Variants in YTHDF3 observed in about 807,000 individuals in gnomAD.
The protein encoded by YTHDF3 is YTH domain-containing family protein 3.
In YTHDF3, 9 loss-of-function variants were observed where a neutral mutation model predicts 52.5. That is an observed-to-expected ratio of 0.17 (90% CI 0.10 to 0.30). YTHDF3 has a LOEUF of 0.30. YTHDF3 is among the 10% of genes least tolerant of loss of function. The probability of loss-of-function intolerance (pLI) is 1.00; values close to 1 mark genes in which losing one functional copy is unlikely to be tolerated. For missense variants in YTHDF3, 534 were observed against 715.0 expected, an observed-to-expected ratio of 0.75 and a Z score of 2.89; for synonymous variants, 274 against 243.3, an observed-to-expected ratio of 1.13 and a Z score of -1.18.
At chr8:63,193,826 A>G (rs990206540) in intron 4 of YTHDF3, among the ~76,000 whole-genome samples, 1 of 152,206 alleles carries the variant, frequency 6.6e-6, no homozygotes, top group Non-Finnish European at 1.5e-5. Context: ...GACAGTATCA[A>G]GTATTGGAAA....
chr8:63,192,607 T>G (rs1463011248), intron 4 of YTHDF3, among the ~76,000 whole-genome samples: 1 of 152,326 alleles, frequency 6.6e-6, no homozygotes, highest in African/African-American at 2.4e-5. Context: ...CTTTTAGCCT[T>G]GTGTAGGCAG....
At chr8:63,185,481 T>C (rs953368874) in intron 3 of YTHDF3, among the ~76,000 whole-genome samples, 13 of 152,196 alleles carry the variant, frequency 8.5e-5, no homozygotes, top group Admixed American at 3.3e-4. Flanking sequence ...AGAAAAGTCA[T>C]GTCTGTTATT....
At chr8:63,172,271 C>G (rs1807374885) in intron 2 of YTHDF3, among the ~76,000 whole-genome samples, 1 of 152,098 alleles carries the variant, frequency 6.6e-6, no homozygotes. Flanking sequence ...TTTGGGAGTA[C>G]TATGGTTGGA....
Position 63,172,746 on chromosome 8 carries a change from C to G in YTHDF3, c.50-2585C>G. The G allele has an allele frequency of 4.1e-6, 5 of 1,231,244 alleles. No individual in the cohort carries two copies. In the East Asian group the frequency reaches 1.3e-4, roughly 31 times the overall value. 76.3% of individuals were successfully genotyped at this position (1,231,244 alleles called of 1,614,324 possible). A position where few individuals can be genotyped will look rare whatever the true frequency, so the allele number is the denominator to read the frequency against. On this transcript the variant is annotated intron_variant, in intron 2 of 4. Transcript: ENST00000539294. ...TCACCTGGCTCCTAAGGCCCATGTT[C>G]TATCTTGATTTGACTCTGTTTCATA...
At chr8:63,173,356 T>TA (rs1000642355) in intron 2 of YTHDF3, among the ~76,000 whole-genome samples, 27 of 151,776 alleles carry the variant, frequency 1.8e-4, no homozygotes, top group African/African-American at 6.1e-4. Context: ...TGATCCTCCT[T>TA]AGACTCCTGA....
Position 63,187,574 on chromosome 8 carries a change from A to G in YTHDF3, c.1563A>G (p.Leu521=), listed in dbSNP as rs777710828. 4.0e-5 allele frequency: 65 copies of G among 1,613,856 alleles called. No homozygotes were observed. The East Asian group carries it at 1.3e-3, about 33-fold the overall frequency. ...ATAACCAATTACGGCATATTCGCTT[A>G]GAAAATAATGACAACAAACCGGTTA... ...VPNNQLRHIR[L]ENNDNKPVTN... is the part of the protein sequence containing the mutation. The change falls in exon 4 of 5, where the codon TTA becomes TTG. Residue 521 remains leucine (L), a synonymous_variant. Coordinates refer to ENST00000539294, the MANE Select transcript of YTHDF3 (RefSeq NM_152758.6).
At position 63,185,438 on chromosome 8, in the gene YTHDF3, A is replaced by T. The variant is rs1232623773; in HGVS notation, c.136-709A>T. On this transcript the variant is annotated intron_variant, in intron 3 of 4. Coordinates refer to ENST00000539294, the MANE Select transcript of YTHDF3 (RefSeq NM_152758.6). ...CCCAAACCTGTTCTGTAATAGGTTTATTGTGTAAAATTTGGGGAAGAGGAG... is the reference window on the plus strand; with the variant it reads ...CCCAAACCTGTTCTGTAATAGGTTTTTTGTGTAAAATTTGGGGAAGAGGAG... Among the ~76,000 whole-genome samples, 3 of 152,178 alleles carry T rather than the reference A, an allele frequency of 2.0e-5. No homozygotes were observed. In the East Asian group the frequency reaches 5.8e-4, roughly 29 times the overall value.
chr8:63,206,642 G>A (rs922325170), intron 4 of YTHDF3, among the ~76,000 whole-genome samples: 7 of 152,010 alleles, frequency 4.6e-5, no homozygotes. Flanking sequence ...AGATTTATTG[G>A]CATATTAGCA....
intron 4 of YTHDF3, among the ~76,000 whole-genome samples, chr8:63,197,805 A>G (rs1317309098): frequency 6.6e-6 from 1 of 152,210 alleles, no homozygotes; most frequent in Non-Finnish European, 1.5e-5. Flanking sequence ...TCCTGAGTAT[A>G]TTTGTCCAGT....
intron 4 of YTHDF3, among the ~76,000 whole-genome samples, chr8:63,200,636 A>G (rs1052606533): frequency 1.3e-5 from 2 of 152,056 alleles, no homozygotes; most frequent in Non-Finnish European, 2.9e-5. Flanking sequence ...GTTATATCAA[A>G]TCATGGTACC....
chr8:63,172,060 A>C (rs1585736132), intron 2 of YTHDF3, among the ~76,000 whole-genome samples: 1 of 152,212 alleles, frequency 6.6e-6, no homozygotes, highest in African/African-American at 2.4e-5. Flanking sequence ...TTGTTTTATA[A>C]GTTTGAATTC....
intron 3 of YTHDF3, among the ~76,000 whole-genome samples, chr8:63,181,560 G>T (rs1039673324): frequency 6.6e-6 from 1 of 152,082 alleles, no homozygotes; most frequent in Non-Finnish European, 1.5e-5. Context: ...TTATACAGAC[G>T]TGTACACACA....
chr8:63,199,919 G>T (rs1809489915), intron 4 of YTHDF3, among the ~76,000 whole-genome samples: 1 of 152,136 alleles, frequency 6.6e-6, no homozygotes. Context: ...TGTTTGGTCT[G>T]TTGTGAATTG....
At chr8:63,174,385 C>G (rs1807549037) in intron 2 of YTHDF3, among the ~76,000 whole-genome samples, 1 of 152,126 alleles carries the variant, frequency 6.6e-6, no homozygotes, top group Non-Finnish European at 1.5e-5. Context: ...AATGTGATTA[C>G]ATTTAAGATT....
chr8:63,199,726 A>G (rs1310494122), intron 4 of YTHDF3, among the ~76,000 whole-genome samples: 2 of 152,136 alleles, frequency 1.3e-5, no homozygotes, highest in Non-Finnish European at 2.9e-5. Flanking sequence ...CATAAGGGTC[A>G]TTTGAGGTGC....
intron 1 of YTHDF3, 33 bp downstream of exon 1, chr8:63,168,934 G>T: frequency 2.6e-6 from 4 of 1,547,638 alleles, no homozygotes; most frequent in Non-Finnish European, 2.6e-6. Flanking sequence ...CTTGGCGAAG[G>T]CCCGAGCCCC....
chr8:63,198,246 T>C (rs910721271), intron 4 of YTHDF3, among the ~76,000 whole-genome samples: 1 of 152,000 alleles, frequency 6.6e-6, no homozygotes, highest in African/African-American at 2.4e-5. Flanking sequence ...CCTTTCCTTT[T>C]CCCTCCCCAC....
chr8:63,169,031 C>T, intron 1 of YTHDF3, 130 bp downstream of exon 1: 15 of 1,453,946 alleles, frequency 1.0e-5, no homozygotes, highest in Non-Finnish European at 1.3e-5. Context: ...CAAGTTGCTG[C>T]GGTGTAGCTA....
At chr8:63,179,898 T>G (rs972321020) in intron 3 of YTHDF3, among the ~76,000 whole-genome samples, 1 of 149,230 alleles carries the variant, frequency 6.7e-6, no homozygotes, top group African/African-American at 2.5e-5. Context: ...GCAGAGGGGC[T>G]CCTCACTTCC....
Sources: gnomAD v4.1 joint callset for allele counts (sites outside exome capture counted in the v4.1 genomes callset) on GRCh38, gnomAD v4.1.1 for gene constraint, MANE v1.5 for transcripts, NCBI Gene and HGNC (gene_info 2026-07-23, HGNC 2026-07-21) for gene names.